Variants in CEACAM21 observed in about 807,000 individuals in gnomAD.
CEACAM21 encodes the protein CEA cell adhesion molecule 21.
In CEACAM21, 38 loss-of-function variants were observed where a neutral mutation model predicts 33.2. The ratio of observed to expected loss-of-function variants is 1.14; its 90% CI spans 0.88 to 1.50. The LOEUF (loss-of-function observed/expected upper bound fraction) is 1.50. Among genes scored for constraint, CEACAM21 ranks in the 40% most tolerant of loss-of-function variants. CEACAM21 has a pLI of 0.00. For synonymous variants in CEACAM21, 156 were observed against 143.0 expected, an observed-to-expected ratio of 1.09 and a Z score of -0.65; for missense variants, 385 against 364.6, an observed-to-expected ratio of 1.06 and a Z score of -0.46.
intron 5 of CEACAM21, 70 bp from the exon 6 acceptor site, chr19:41,585,770 C>T: frequency 6.7e-7 from 1 of 1,489,288 alleles, no homozygotes; most frequent in Non-Finnish European, 9.3e-7. Context: ...ACTGAGGACC[C>T]CCACACACTC....
chr19:41,582,796 C>T (rs1431125982), intron 3 of CEACAM21, among the ~76,000 whole-genome samples: 1 of 152,196 alleles, frequency 6.6e-6, no homozygotes, highest in Admixed American at 6.5e-5. Context: ...ATTTTTTCCT[C>T]CTAGGCCTCC....
chr19:41,565,178 C>T (rs1555788006), intron 2 of CEACAM21: 1 of 152,394 alleles, frequency 6.6e-6, no homozygotes, highest in African/African-American at 2.4e-5. Context: ...AGGGTGGCCG[C>T]CAGTGACCCC....
rs541833105 is a variant in CEACAM21, at chr19:41,562,130, C to T, written c.-778-2552C>T. ...GTGTGGTGACAGGCACCTGTAATCC[C>T]AGCTACTTGGGAAGCTGAGGCAGGA... On this transcript the variant is annotated intron_variant, in intron 1 of 7. Coordinates refer to the CEACAM21 transcript ENST00000407170. Among the ~76,000 whole-genome samples, 163 of 152,182 alleles carry T rather than the reference C, an allele frequency of 1.1e-3. 1 individual carries two copies. The highest frequency in any genetic ancestry group is 3.7e-3 in the African/African-American group (152 of 41,502).
intron 4 of CEACAM21, among the ~76,000 whole-genome samples, chr19:41,585,105 C>T: frequency 6.6e-6 from 1 of 152,130 alleles, no homozygotes; most frequent in East Asian, 1.9e-4. Flanking sequence ...ATGTGCCTGG[C>T]CCTGCTTTCC....
intron 2 of CEACAM21, among the ~76,000 whole-genome samples, chr19:41,565,865 T>C (rs1483498945): frequency 1.3e-5 from 2 of 148,746 alleles, no homozygotes; most frequent in African/African-American, 5.0e-5. Context: ...AGGCAAGTTG[T>C]AGGGAAAATG....
intron 1 of CEACAM21, among the ~76,000 whole-genome samples, chr19:41,558,325 A>T (rs781973006): frequency 2.9e-4 from 44 of 152,194 alleles, no homozygotes; most frequent in Non-Finnish European, 5.3e-4. Context: ...TCTTTGAAAC[A>T]TCTATCTATC....
rs1555792623 is a variant in CEACAM21 at position 41,579,487 on chromosome 19, A to C, written c.559A>C (p.Thr187Pro). Reference protein sequence around the residue: ...WIFNNQRLQVTKRMKLSWFNH... With the variant: ...WIFNNQRLQVPKRMKLSWFNH... ...TTTCAACAACCAGCGTCTGCAGGTC[A>C]CGAAGAGGATGAAGCTGTCCTGGTT... Residue 187 changes from threonine to proline, a missense_variant, in exon 3 of 7, where the codon ACG becomes CCG. Physicochemically the swap from Thr to Pro is conservative, Grantham distance 38. Transcript: ENST00000401445. 4 of 1,613,924 alleles carry C rather than the reference A, an allele frequency of 2.5e-6. No homozygotes were observed. In the Admixed American group the frequency reaches 6.7e-5, roughly 27 times the overall value.
At chr19:41,578,895 T>C (rs144048662) in intron 2 of CEACAM21, among the ~76,000 whole-genome samples, 30 of 152,288 alleles carry the variant, frequency 2.0e-4, no homozygotes, top group African/African-American at 2.6e-4. Context: ...CACTCAGTAG[T>C]TCTCTGATGA....
Position 41,579,580 on chromosome 19 carries a change from A to G in CEACAM21, c.652A>G (p.Asn218Asp). Reference protein sequence around the residue: ...DAGEYQCEVSNPVSSNRSDPL... With the variant: ...DAGEYQCEVSDPVSSNRSDPL... ...TGGGGAGTATCAGTGTGAGGTCTCC[A>G]ACCCAGTCAGCTCCAACAGGAGCGA... is the stretch of plus-strand genomic sequence containing the variant. Residue 218 changes from asparagine (N) to aspartate (D), a missense_variant, in exon 3 of 7, where the codon AAC becomes GAC. Physicochemically the swap from Asn to Asp is conservative, Grantham distance 23. Coordinates refer to ENST00000401445, the MANE Select transcript of CEACAM21 (RefSeq NM_001098506.4). The G allele has an allele frequency of 6.3e-7, 1 of 1,593,178 alleles. No homozygotes were observed. The highest frequency in any genetic ancestry group is 8.5e-7 in the Non-Finnish European group (1 of 1,169,594).
chr19:41,556,751 T>G (rs1555785716), intron 1 of CEACAM21, among the ~76,000 whole-genome samples: 4 of 152,220 alleles, frequency 2.6e-5, no homozygotes, highest in African/African-American at 2.4e-5. Context: ...TAAGGCACCT[T>G]TCATTGTGAA....
chr19:41,555,974 C>T (rs1340175242), intron 1 of CEACAM21, among the ~76,000 whole-genome samples: 1 of 152,214 alleles, frequency 6.6e-6, no homozygotes, highest in African/African-American at 2.4e-5. Flanking sequence ...CTGGTACTCA[C>T]AAAACCAAAG....
intron 1 of CEACAM21, among the ~76,000 whole-genome samples, chr19:41,553,254 G>A (rs544766174): frequency 3.3e-5 from 5 of 151,882 alleles, no homozygotes; most frequent in South Asian, 4.1e-4. Context: ...ACAGGCACCC[G>A]CCATCATGCC....
At chr19:41,574,219 T>C (rs1457552023), upstream of CEACAM21, among the ~76,000 whole-genome samples, 1 of 152,218 alleles carries the variant, frequency 6.6e-6, no homozygotes, top group Non-Finnish European at 1.5e-5. Context: ...AAAACCTAAA[T>C]GGAATAGCAA....
intron 5 of CEACAM21, 31 bp from the exon 6 acceptor site, chr19:41,585,809 C>G (rs1555795206): frequency 6.2e-7 from 1 of 1,609,026 alleles, no homozygotes; most frequent in South Asian, 1.1e-5. Context: ...TATCCTAACA[C>G]TCTCGTGCTC....
chr19:41,551,788 C>T (rs531132459), intron 1 of CEACAM21: 2 of 152,232 alleles, frequency 1.3e-5, no homozygotes, highest in Admixed American at 1.3e-4. Context: ...AAATGGCCTC[C>T]TTGAAGACGG....
chr19:41,579,526 A>G lies in CEACAM21; in HGVS notation c.598A>G (p.Thr200Ala). Residue 200 changes from threonine to alanine, a missense_variant, in exon 3 of 7, where the codon ACC (threonine) becomes GCC (alanine). By Grantham distance (58) the Thr-to-Ala change is moderately conservative. Transcript: ENST00000401445. ...GCTGTCCTGGTTTAACCATGTGCTC[A>G]CCATAGACCCCATCAGGCAGGAGGA... ...MKLSWFNHVLTIDPIRQEDAG... is the reference protein window; with the variant it reads ...MKLSWFNHVLAIDPIRQEDAG... 6.2e-7 allele frequency: 1 copy of G among 1,613,386 alleles called. No homozygotes were observed. The highest frequency in any genetic ancestry group is 8.5e-7 in the Non-Finnish European group (1 of 1,179,582).
chr19:41,565,970 G>A (rs1697428269), intron 2 of CEACAM21, among the ~76,000 whole-genome samples: 1 of 140,310 alleles, frequency 7.1e-6, no homozygotes, highest in Non-Finnish European at 1.6e-5. Context: ...TGGGGGGGCG[G>A]GGGGGGTGGG....
At chr19:41,585,695 C>A in intron 5 of CEACAM21, 145 bp from the exon 6 acceptor site, 1 of 1,026,118 alleles carries the variant, frequency 9.7e-7, no homozygotes, top group East Asian at 2.6e-5. Flanking sequence ...ACTTCCTCAA[C>A]CTCACTTGCT....
chr19:41,566,131 A>G (rs1485369470), intron 2 of CEACAM21, among the ~76,000 whole-genome samples: 1 of 152,216 alleles, frequency 6.6e-6, no homozygotes, highest in African/African-American at 2.4e-5. Context: ...CAATTGAGAA[A>G]ATCAACCCTA....
Sources: gnomAD v4.1 joint callset for allele counts (sites outside exome capture counted in the v4.1 genomes callset) on GRCh38, gnomAD v4.1.1 for gene constraint, MANE v1.5 for transcripts, NCBI Gene and HGNC (gene_info 2026-07-23, HGNC 2026-07-21) for gene names.